Variants in SCFD1 observed in about 807,000 individuals in gnomAD.
The protein encoded by SCFD1 is sec1 family domain-containing protein 1.
SCFD1 carries 37 observed loss-of-function variants against 103.2 expected under a neutral mutation model. The observed-to-expected ratio is 0.36, with a 90% CI of 0.28 to 0.47. SCFD1 has a LOEUF of 0.47. SCFD1 is among the 20% of genes least tolerant of loss of function. The pLI is 1.00. For synonymous variants in SCFD1, 264 were observed against 245.0 expected (o/e 1.08, Z -0.73); for missense variants, 639 against 761.2 (o/e 0.84, Z 1.89).
chr14:30,669,094 A>G (rs558003192), intron 10 of SCFD1, among the ~76,000 whole-genome samples: 17 of 152,210 alleles, frequency 1.1e-4, no homozygotes, highest in African/African-American at 3.9e-4. Flanking sequence ...TTTTTATGTC[A>G]AAGAGAAAAA....
chr14:30,684,441 ATATG>A (rs1287995006), intron 14 of SCFD1, among the ~76,000 whole-genome samples: 1 of 152,212 alleles, frequency 6.6e-6, no homozygotes, highest in African/African-American at 2.4e-5. Context: ...CACAATCTGT[ATATG>A]TATGTATGTG....
At chr14:30,726,040 A>G (rs1594770904) in intron 23 of SCFD1, among the ~76,000 whole-genome samples, 2 of 152,186 alleles carry the variant, frequency 1.3e-5, no homozygotes, top group African/African-American at 4.8e-5. Flanking sequence ...TGGTTGCAAT[A>G]GACACTTACG....
intron 14 of SCFD1, among the ~76,000 whole-genome samples, chr14:30,677,668 G>A (rs1278473242): frequency 2.0e-5 from 3 of 151,368 alleles, no homozygotes; most frequent in Admixed American, 6.6e-5. Context: ...CCTTATAAGC[G>A]GCATGTTTAT....
intron 5 of SCFD1, among the ~76,000 whole-genome samples, chr14:30,638,637 T>G (rs1225016775): frequency 6.6e-6 from 1 of 152,160 alleles, no homozygotes; most frequent in Non-Finnish European, 1.5e-5. Context: ...TCCAGATATT[T>G]TTTTTACTTA....
At chr14:30,655,681 A>G (rs900458364) in intron 10 of SCFD1, among the ~76,000 whole-genome samples, 8 of 152,166 alleles carry the variant, frequency 5.3e-5, no homozygotes, top group Non-Finnish European at 1.0e-4. Context: ...ATTTGCTGAT[A>G]AGTTAGATGT....
chr14:30,630,531 A>C lies in SCFD1; in HGVS notation c.187A>C (p.Lys63Gln), dbSNP rs1566574614. The part of the protein sequence containing the change: ...QDIISPLLSV[K>Q]ELRDMGITLH... ...TATAATCTCTCCTCTGCTATCTGTGAAGGAGCTAAGAGACATGGGAATCAC... is the reference window on the plus strand; with the variant it reads ...TATAATCTCTCCTCTGCTATCTGTGCAGGAGCTAAGAGACATGGGAATCAC... Residue 63 changes from lysine (K) to glutamine (Q), a missense_variant, in exon 3 of 25, where the codon AAG becomes CAG. Transcript: ENST00000458591. 1 of 1,603,136 alleles carries C rather than the reference A, an allele frequency of 6.2e-7. No homozygotes were observed. The highest frequency in any genetic ancestry group is 8.5e-7 in the Non-Finnish European group (1 of 1,170,712).
At chr14:30,734,397 C>T in intron 23 of SCFD1, 1 of 225,134 alleles carries the variant, frequency 4.4e-6, no homozygotes, top group Non-Finnish European at 9.0e-6. Context: ...GCCACCTGCA[C>T]CATAGCCCAC....
In SCFD1 at chr14:30,633,995, C is replaced by T; in HGVS notation, c.270C>T (p.Tyr90=). 1 of 1,603,350 alleles carries T rather than the reference C, an allele frequency of 6.2e-7. No individual in the cohort carries two copies. Among genetic ancestry groups the T allele is most frequent in the Non-Finnish European group, 8.5e-7 (1 of 1,172,920 alleles). Residue 90 remains tyrosine (Y), a synonymous_variant, in exon 4 of 25, where the codon TAC becomes TAT. Transcript: ENST00000458591. ...RDPIPDVPAV[Y]FVMPTEENID... is the part of the protein sequence containing the mutation. ...CTATTCCAGATGTTCCTGCAGTATA[C>T]TTTGTAATGCCAACTGAAGAAAATA... is the stretch of plus-strand genomic sequence containing the variant.
intron 1 of SCFD1, 184 bp downstream of exon 1, chr14:30,622,583 G>C: frequency 9.5e-7 from 1 of 1,056,344 alleles, no homozygotes; most frequent in South Asian, 2.0e-5. Flanking sequence ...GGTTCCTCCT[G>C]TGGTGCAGGA....
intron 23 of SCFD1, among the ~76,000 whole-genome samples, chr14:30,725,491 T>C (rs1347993296): frequency 6.6e-6 from 1 of 152,192 alleles, no homozygotes; most frequent in Non-Finnish European, 1.5e-5. Flanking sequence ...TGCTTGACTG[T>C]TACTGTTGTA....
rs1000509468 is a variant in SCFD1, at chr14:30,655,027, A to G, written c.855+1439A>G. On this transcript the variant is annotated intron_variant, in intron 10 of 24. Transcript: ENST00000458591. The stretch of plus-strand genomic sequence containing the variant: ...ACACACTTTCTAAACCCTGGCTTCA[A>G]TAGTAACAAAAACAATAGCTTTCCT... Among the ~76,000 whole-genome samples the G allele has an allele frequency of 2.0e-5, 3 of 152,220 alleles. No individual in the cohort carries two copies. The South Asian group carries it at 6.2e-4, about 31-fold the overall frequency.
At position 30,657,137 on chromosome 14, in the gene SCFD1, G is replaced by A. The variant is rs527720548; in HGVS notation, c.855+3549G>A. Among the ~76,000 whole-genome samples, 7 of 152,116 alleles carry A rather than the reference G, an allele frequency of 4.6e-5. No homozygotes were observed. In the South Asian group the frequency reaches 1.3e-3, roughly 27 times the overall value. On this transcript the variant is annotated intron_variant, in intron 10 of 24. Transcript: ENST00000458591. ...TGGTGTTAAGGCAATCTAAAACACC[G>A]AGATGTCTAGGGATCCTTTCCAATT...
intron 14 of SCFD1, among the ~76,000 whole-genome samples, chr14:30,681,358 TAAG>T (rs1186332484): frequency 1.3e-5 from 2 of 152,100 alleles, no homozygotes; most frequent in East Asian, 3.9e-4. Context: ...TTCGTGATAA[TAAG>T]GTCACTTCTG....
intron 10 of SCFD1, among the ~76,000 whole-genome samples, chr14:30,656,229 G>A (rs1173446390): frequency 6.6e-6 from 1 of 152,144 alleles, no homozygotes; most frequent in African/African-American, 2.4e-5. Flanking sequence ...CCAAAGTGCT[G>A]AGATTACAAG....
intron 15 of SCFD1, among the ~76,000 whole-genome samples, chr14:30,695,888 A>C (rs1277334176): frequency 6.6e-6 from 1 of 152,144 alleles, no homozygotes; most frequent in African/African-American, 2.4e-5. Context: ...AAACAAACAA[A>C]AAAAACCACA....
chr14:30,735,497 A>C (rs1333262202), intron 24 of SCFD1, 89 bp from the exon 25 acceptor site: 1 of 873,828 alleles, frequency 1.1e-6, no homozygotes, highest in Non-Finnish European at 1.9e-6. Flanking sequence ...TAGGAAGTGT[A>C]ATTTATTAAG....
At chr14:30,731,969 A>G (rs1444779045) in intron 23 of SCFD1, among the ~76,000 whole-genome samples, 16 of 152,208 alleles carry the variant, frequency 1.1e-4, no homozygotes, top group Non-Finnish European at 7.3e-5. Flanking sequence ...TTGCCCATTC[A>G]GTATGATATT....
intron 12 of SCFD1, among the ~76,000 whole-genome samples, 171 bp downstream of exon 12, chr14:30,673,518 G>GA (rs1302552529): frequency 6.6e-6 from 1 of 152,004 alleles, no homozygotes; most frequent in African/African-American, 2.4e-5. Flanking sequence ...ATTGAGAAGA[G>GA]AAAAAATAAT....
intron 2 of SCFD1, among the ~76,000 whole-genome samples, chr14:30,629,891 T>C (rs796368451): frequency 5.9e-5 from 9 of 152,126 alleles, no homozygotes; most frequent in African/African-American, 2.2e-4. Context: ...ACTTAATTTT[T>C]TTTAATGAGT....
Sources: allele counts gnomAD v4.1 joint callset (sites outside exome capture counted in the v4.1 genomes callset), GRCh38; gene constraint gnomAD v4.1.1; transcripts MANE v1.5; gene names NCBI Gene and HGNC (gene_info 2026-07-23, HGNC 2026-07-21).